Variants in ELMO1 observed in about 807,000 individuals in gnomAD.
ELMO1 encodes the protein engulfment and cell motility 1.
In ELMO1, 26 loss-of-function variants were observed where a neutral mutation model predicts 98.9. The ratio of observed to expected loss-of-function variants is 0.26; its 90% confidence interval spans 0.19 to 0.36. The LOEUF (loss-of-function observed/expected upper bound fraction) is 0.36, where lower values mean the gene tolerates loss of function less well. ELMO1 is among the 10% of genes least tolerant of loss of function. ELMO1 has a pLI of 1.00. For missense variants in ELMO1, 627 were observed against 935.2 expected, an observed-to-expected ratio of 0.67 and a Z score of 4.30; for synonymous variants, 346 against 346.0, an observed-to-expected ratio of 1.00 and a Z score of 0.00.
chr7:37,180,650 A>T (rs1296736338), intron 13 of ELMO1, among the ~76,000 whole-genome samples: 1 of 152,220 alleles, frequency 6.6e-6, no homozygotes, highest in African/African-American at 2.4e-5. Flanking sequence ...TTACATTTTC[A>T]GGTTTTTATA....
At chr7:37,141,771 C>G (rs897462403) in intron 13 of ELMO1, among the ~76,000 whole-genome samples, 20 of 148,652 alleles carry the variant, frequency 1.3e-4, no homozygotes, top group African/African-American at 4.9e-4. Context: ...TTTTTTCTAA[C>G]TTTGGTGCTG....
chr7:37,443,393 C>T (rs1296504780), intron 1 of ELMO1, among the ~76,000 whole-genome samples: 1 of 152,220 alleles, frequency 6.6e-6, no homozygotes, highest in Non-Finnish European at 1.5e-5. Flanking sequence ...GGGCCCGGAA[C>T]ACTGAGAATC....
Position 37,207,139 on chromosome 7 carries a change from G to T in ELMO1, c.1086+4247C>A, listed in dbSNP as rs547599814. On this transcript the variant is annotated intron_variant, in intron 13 of 21. Transcript: ENST00000310758. ...GGTCTTGGCGGCTACAATCAAGAGG[G>T]ACAACTTTGTATACAGCATTTCCCC... is the stretch of plus-strand genomic sequence containing the variant. Among the ~76,000 whole-genome samples the T allele has an allele frequency of 2.3e-4, 35 of 152,294 alleles. No individual in the cohort carries two copies. The South Asian group carries it at 6.0e-3, about 26-fold the overall frequency.
chr7:37,402,414 G>T (rs1803574938), intron 1 of ELMO1, among the ~76,000 whole-genome samples: 1 of 152,124 alleles, frequency 6.6e-6, no homozygotes, highest in Admixed American at 6.5e-5. Context: ...TGGGGTAAAG[G>T]GGTGTTCACT....
In ELMO1 at chr7:36,973,880, C is replaced by G. The variant is rs180760320; in HGVS notation, c.1437+39419G>C. Among the ~76,000 whole-genome samples the G allele has an allele frequency of 4.6e-5, 7 of 152,346 alleles. No homozygotes were observed. In the East Asian group the frequency reaches 7.7e-4, roughly 17 times the overall value. The stretch of plus-strand genomic sequence containing the variant: ...GCCGAGCAATGAGGGGCTTAGCACC[C>G]GGGCCAGCGGCTGCAGAGGGTGTAC... On this transcript the variant is annotated intron_variant, in intron 16 of 21. Coordinates refer to ENST00000310758, the MANE Select transcript of ELMO1 (RefSeq NM_014800.11).
At chr7:37,198,617 T>G (rs1792105042) in intron 13 of ELMO1, among the ~76,000 whole-genome samples, 1 of 152,230 alleles carries the variant, frequency 6.6e-6, no homozygotes, top group South Asian at 2.1e-4. Flanking sequence ...AAAGCTATGT[T>G]TTATTAGCCT....
chr7:37,068,624 C>G (rs998226250), intron 15 of ELMO1, among the ~76,000 whole-genome samples: 1 of 152,144 alleles, frequency 6.6e-6, no homozygotes, highest in African/African-American at 2.4e-5. Flanking sequence ...AATTAACATG[C>G]AATGTCTCAG....
At chr7:37,029,373 A>G (rs1192381098) in intron 15 of ELMO1, among the ~76,000 whole-genome samples, 1 of 151,808 alleles carries the variant, frequency 6.6e-6, no homozygotes, top group Non-Finnish European at 1.5e-5. Context: ...ATCAGTTTGA[A>G]TCATTACAAA....
chr7:36,939,157 AT>A (rs1786799455), intron 16 of ELMO1, among the ~76,000 whole-genome samples: 1 of 151,592 alleles, frequency 6.6e-6, no homozygotes, highest in Admixed American at 6.6e-5. Context: ...ATTTTAACAC[AT>A]TTAAGAAATG....
At chr7:37,117,947 A>T (rs1423629785) in intron 14 of ELMO1, among the ~76,000 whole-genome samples, 2 of 152,214 alleles carry the variant, frequency 1.3e-5, no homozygotes, top group African/African-American at 2.4e-5. Context: ...ATATAATTTT[A>T]TTTTTAAAAA....
chr7:37,173,435 T>A (rs1790302382), intron 13 of ELMO1, among the ~76,000 whole-genome samples: 1 of 152,258 alleles, frequency 6.6e-6, no homozygotes, highest in Non-Finnish European at 1.5e-5. Flanking sequence ...TCTTTGAATG[T>A]TATTTCAAAT....
chr7:37,211,554 A>G (rs369545453), intron 12 of ELMO1, 37 bp from the exon 13 acceptor site: 32 of 1,606,340 alleles, frequency 2.0e-5, no homozygotes, highest in Admixed American at 3.4e-5. Flanking sequence ...AAGGGAGGGG[A>G]AAAAGCTGCT....
intron 14 of ELMO1, among the ~76,000 whole-genome samples, chr7:37,132,615 AAT>A (rs1178690286): frequency 6.6e-6 from 1 of 152,218 alleles, no homozygotes; most frequent in African/African-American, 2.4e-5. Flanking sequence ...TCACAGAGAA[AAT>A]AGAGTCCCCC....
chr7:37,041,785 A>G (rs1301706080), intron 15 of ELMO1, among the ~76,000 whole-genome samples: 1 of 152,148 alleles, frequency 6.6e-6, no homozygotes, highest in Non-Finnish European at 1.5e-5. Context: ...CCCCCACCCC[A>G]GGAACACTGG....
intron 7 of ELMO1, among the ~76,000 whole-genome samples, chr7:37,235,987 C>A (rs1794440792): frequency 6.6e-6 from 1 of 152,210 alleles, no homozygotes; most frequent in South Asian, 2.1e-4. Context: ...ATTAGCTAGA[C>A]AGCACTCAGA....
Position 37,361,120 on chromosome 7 carries a change from T to C in ELMO1, c.-73-18357A>G, listed in dbSNP as rs143676169. ...CATTTTTAAAAATATTAAGTACATA[T>C]TTATCATATGACACAGCAATTCTAC... On this transcript the variant is annotated intron_variant, in intron 1 of 21. Transcript: ENST00000310758. Among the ~76,000 whole-genome samples the C allele has an allele frequency of 1.2e-4, 19 of 152,304 alleles. 1 individual carries two copies. The highest frequency in any genetic ancestry group is 6.8e-3 in the Middle Eastern group (2 of 294).
intron 16 of ELMO1, among the ~76,000 whole-genome samples, chr7:36,924,872 GT>G (rs1227457551): frequency 2.0e-5 from 3 of 152,174 alleles, no homozygotes; most frequent in African/African-American, 7.2e-5. Context: ...GAAAGGTTGT[GT>G]TTTCTGCCCT....
intron 15 of ELMO1, among the ~76,000 whole-genome samples, chr7:37,042,576 T>C (rs1239309122): frequency 6.6e-6 from 1 of 152,138 alleles, no homozygotes; most frequent in East Asian, 1.9e-4. Flanking sequence ...TGGGAATATG[T>C]ATGGAAAAGA....
chr7:37,289,989 T>A (rs1797592367), intron 4 of ELMO1, among the ~76,000 whole-genome samples: 1 of 152,232 alleles, frequency 6.6e-6, no homozygotes, highest in Admixed American at 6.5e-5. Context: ...GAGGGACTAA[T>A]GCAACATAGG....
Sources: allele counts gnomAD v4.1 joint callset (sites outside exome capture counted in the v4.1 genomes callset), GRCh38; gene constraint gnomAD v4.1.1; transcripts MANE v1.5; gene names NCBI Gene and HGNC (gene_info 2026-07-23, HGNC 2026-07-21).